C9orf85: variants seen among roughly 807,000 people sequenced by gnomAD.
The protein encoded by C9orf85 is uncharacterized protein C9orf85.
A neutral mutation model predicts 14.9 loss-of-function variants in C9orf85; 16 were observed. That is an observed-to-expected ratio of 1.08 (90% CI 0.73 to 1.63). The LOEUF (loss-of-function observed/expected upper bound fraction) is 1.63. C9orf85 is among the 40% of genes most tolerant of loss of function. C9orf85 has a pLI of 0.00. For synonymous variants in C9orf85, 45 were observed against 56.8 expected (o/e 0.79, Z 0.93); for missense variants, 172 against 186.1 (o/e 0.92, Z 0.44).
intron 2 of C9orf85, among the ~76,000 whole-genome samples, chr9:71,954,129 A>AC: frequency 6.6e-6 from 1 of 150,770 alleles, no homozygotes; most frequent in South Asian, 2.1e-4. Context: ...AAAAAAAAAA[A>AC]AGCGTATTTT....
At chr9:71,924,373 A>ATAG (rs397770632) in intron 1 of C9orf85, among the ~76,000 whole-genome samples, 4 of 151,348 alleles carry the variant, frequency 2.6e-5, no homozygotes, top group African/African-American at 9.7e-5. Flanking sequence ...TAAAATGTTA[A>ATAG]CGCAAATTGT....
rs1487637583 is a variant in C9orf85 at position 71,958,970 on chromosome 9, C to T, written c.209+11858C>T. ...GTATGCACATTAAGTAAATTTATAGCCTTTTCTCCTATTAGTCAATCCACC... is the reference window on the plus strand; with the variant it reads ...GTATGCACATTAAGTAAATTTATAGTCTTTTCTCCTATTAGTCAATCCACC... On this transcript the variant is annotated intron_variant, in intron 2 of 3. Transcript: ENST00000334731. Among the ~76,000 whole-genome samples, 3 of 152,188 alleles carry T rather than the reference C, an allele frequency of 2.0e-5. No individual in the cohort carries two copies. The East Asian group carries it at 5.8e-4, about 29-fold the overall frequency.
intron 1 of C9orf85, among the ~76,000 whole-genome samples, chr9:71,937,693 G>C (rs1207962683): frequency 1.3e-5 from 2 of 152,056 alleles, no homozygotes; most frequent in Non-Finnish European, 2.9e-5. Flanking sequence ...GAGCAAGAGG[G>C]ACTAAACTTC....
chr9:71,947,935 C>T (rs1268966227), intron 2 of C9orf85, among the ~76,000 whole-genome samples: 2 of 152,102 alleles, frequency 1.3e-5, no homozygotes, highest in Non-Finnish European at 2.9e-5. Context: ...CATGAACCAC[C>T]GCGCCCAGAC....
downstream of C9orf85, among the ~76,000 whole-genome samples, chr9:71,977,775 TGTCAGCAATACTG>T: frequency 6.6e-6 from 1 of 152,222 alleles, no homozygotes; most frequent in Non-Finnish European, 1.5e-5. Flanking sequence ...TGTTCAGATT[TGTCAGCAATACTG>T]AATGTTACAG....
intron 2 of C9orf85, among the ~76,000 whole-genome samples, chr9:71,964,738 G>A (rs184358668): frequency 6.6e-6 from 1 of 152,294 alleles, no homozygotes; most frequent in East Asian, 1.9e-4. Context: ...CGGATACAGT[G>A]GCAAGCCTTG....
rs1236878981 is a variant in C9orf85 at position 71,942,087 on chromosome 9, CTTA to C, written c.103-4914_103-4912del. On this transcript the variant is annotated intron_variant, in intron 1 of 3. Coordinates refer to ENST00000334731, the MANE Select transcript of C9orf85 (RefSeq NM_182505.5). ...AGAAATAGTGTTTATTGAAGATGGC[CTTA>C]TTATATGTAGTGCATTCCTGCAGAT... is the stretch of plus-strand genomic sequence containing the variant. 3.3e-5 allele frequency among the ~76,000 whole-genome samples: 5 copies of C among 152,240 alleles called. No homozygotes were observed. The East Asian group carries it at 7.7e-4, about 24-fold the overall frequency.
intron 2 of C9orf85, among the ~76,000 whole-genome samples, chr9:71,959,479 A>G (rs1822460604): frequency 6.6e-6 from 1 of 152,230 alleles, no homozygotes. Context: ...GTTGGATTCT[A>G]ATAACAACCC....
chr9:71,928,880 A>T (rs943266384), intron 1 of C9orf85, among the ~76,000 whole-genome samples: 12 of 152,160 alleles, frequency 7.9e-5, no homozygotes. Flanking sequence ...TATTCTTGTC[A>T]TCAAAATCCT....
exon 4 of C9orf85, chr9:71,982,755 C>A (rs1313990973): frequency 5.7e-6 from 2 of 353,838 alleles, no homozygotes; most frequent in Non-Finnish European, 1.1e-5. Context: ...CCTGCCTCAG[C>A]CTCTCGAGTA....
intron 1 of C9orf85, among the ~76,000 whole-genome samples, chr9:71,912,305 G>A (rs1476063260): frequency 6.6e-6 from 1 of 152,142 alleles, no homozygotes; most frequent in East Asian, 1.9e-4. Flanking sequence ...TGAAATTTCT[G>A]TTTTGTAACA....
intron 2 of C9orf85, among the ~76,000 whole-genome samples, chr9:71,951,621 A>C (rs1367548508): frequency 1.3e-5 from 2 of 152,218 alleles, no homozygotes; most frequent in African/African-American, 4.8e-5. Flanking sequence ...GACTTGAAAA[A>C]GAGGGTTCAG....
At chr9:71,928,759 T>C (rs1424205320) in intron 1 of C9orf85, among the ~76,000 whole-genome samples, 3 of 152,216 alleles carry the variant, frequency 2.0e-5, no homozygotes, top group Non-Finnish European at 4.4e-5. Context: ...AAAAGAATTA[T>C]AGGACAAATT....
At chr9:71,966,610 A>G (rs1244151504) in intron 2 of C9orf85, among the ~76,000 whole-genome samples, 1 of 152,206 alleles carries the variant, frequency 6.6e-6, no homozygotes, top group Non-Finnish European at 1.5e-5. Context: ...ACGTGTGCAC[A>G]GGAGTCATGA....
intron 2 of C9orf85, among the ~76,000 whole-genome samples, chr9:71,964,981 A>G (rs977750636): frequency 1.3e-5 from 2 of 152,238 alleles, no homozygotes; most frequent in African/African-American, 4.8e-5. Context: ...GATCAGGAGC[A>G]CAGCGGACAC....
Position 71,973,017 on chromosome 9 carries a change from T to A in C9orf85, c.*175T>A. On this transcript the variant is annotated 3_prime_UTR_variant, in exon 4 of 4. Transcript: ENST00000334731. ...AAAATTAGCTGGGCGTGGTGGCTCATGCCTGTAATCCCAGCTACTCAGGAG... is the reference window on the plus strand; with the variant it reads ...AAAATTAGCTGGGCGTGGTGGCTCAAGCCTGTAATCCCAGCTACTCAGGAG... The A allele has an allele frequency of 1.5e-5, 5 of 323,662 alleles. No homozygotes were observed. Among genetic ancestry groups the A allele is most frequent in the South Asian group, 4.6e-5 (1 of 21,842 alleles). 20.0% of individuals were successfully genotyped at this position (323,662 alleles called of 1,614,324 possible).
intron 1 of C9orf85, among the ~76,000 whole-genome samples, chr9:71,915,010 C>T (rs7874006): frequency 0.95 from 144,485 of 152,120 alleles, 69,083 homozygotes; most frequent in East Asian, 1. Context: ...GAAAAGAGCA[C>T]TGGACTAAGA....
At chr9:71,915,213 GCTCTCTCGCC>G (rs1450096959) in intron 1 of C9orf85, among the ~76,000 whole-genome samples, 1 of 147,106 alleles carries the variant, frequency 6.8e-6, no homozygotes, top group Admixed American at 6.9e-5. Flanking sequence ...ACAGAGTCTC[GCTCTCTCGCC>G]CAGGCTGGAG....
At chr9:71,940,398 C>T (rs1036926912) in intron 1 of C9orf85, among the ~76,000 whole-genome samples, 4 of 152,010 alleles carry the variant, frequency 2.6e-5, no homozygotes, top group Non-Finnish European at 5.9e-5. Flanking sequence ...CATGCCACTG[C>T]GCTCAAGCCT....
Sources: gnomAD v4.1 joint callset for allele counts (sites outside exome capture counted in the v4.1 genomes callset) on GRCh38, gnomAD v4.1.1 for gene constraint, MANE v1.5 for transcripts, NCBI Gene and HGNC (gene_info 2026-07-23, HGNC 2026-07-21) for gene names.